The following OSBPL3 variants were observed in gnomAD, a reference collection of about 807,000 sequenced individuals.
OSBPL3 encodes the protein oxysterol binding protein like 3, also known as oxysterol-binding protein-related protein 3.
In OSBPL3, 65 loss-of-function variants were observed where a neutral mutation model predicts 120.1. That is an observed-to-expected ratio of 0.54 (90% CI 0.44 to 0.67). OSBPL3 has a LOEUF of 0.67. Ranked by LOEUF, OSBPL3 falls within the 30% of genes least tolerant of loss-of-function variation. OSBPL3 has a pLI of 0.00. For missense variants in OSBPL3, 1,004 were observed against 1,082.1 expected (o/e 0.93, Z 1.01); for synonymous variants, 416 against 402.6 (o/e 1.03, Z -0.40).
At chr7:24,924,666 C>T (rs996708987) in intron 1 of OSBPL3, among the ~76,000 whole-genome samples, 2 of 152,202 alleles carry the variant, frequency 1.3e-5, no homozygotes, top group Non-Finnish European at 2.9e-5. Context: ...CCCATACTTT[C>T]TGAGACAGCC....
intron 1 of OSBPL3, among the ~76,000 whole-genome samples, chr7:24,924,588 T>G (rs1219259146): frequency 6.6e-6 from 1 of 152,206 alleles, no homozygotes; most frequent in African/African-American, 2.4e-5. Context: ...AAACATTTCC[T>G]CAATGCCTGC....
chr7:24,812,774 G>T (rs1382503625), intron 19 of OSBPL3, among the ~76,000 whole-genome samples: 1 of 152,184 alleles, frequency 6.6e-6, no homozygotes, highest in African/African-American at 2.4e-5. Context: ...GTGGGGCACG[G>T]AAGTGTCTCA....
Position 24,810,455 on chromosome 7 carries a change from G to A in OSBPL3, c.2173-504C>T, listed in dbSNP as rs564701242. 7.2e-3 allele frequency: 1,107 copies of A among 152,842 alleles called. 4 individuals carry two copies. The highest frequency in any genetic ancestry group is 0.023 in the Middle Eastern group (7 of 300). The allele number at this position is 152,842 out of a possible 1,614,324, so 9.5% of individuals were successfully genotyped here. ...GGAGAATCGCTTGAACCCGGGAGGC[G>A]GAGGATGTGGTAAGCCAAGGTCGCG... On this transcript the variant is annotated intron_variant, in intron 19 of 22. Transcript: ENST00000313367.
At position 24,967,064 on chromosome 7, in the gene OSBPL3, A is replaced by G. The variant is rs575811024; in HGVS notation, c.-150+12822T>C. ...GAGCCATCACAATGCCTGTTTGCAG[A>G]CACTCTAAATCTGTATTCACAGGTC... On this transcript the variant is annotated intron_variant, in intron 1 of 22. Transcript: ENST00000313367. The surrounding 1 kb of genome is among the most constrained non-coding windows in gnomAD (Gnocchi z 5.6). Among the ~76,000 whole-genome samples, 3 of 152,196 alleles carry G rather than the reference A, an allele frequency of 2.0e-5. No homozygotes were observed. Among genetic ancestry groups the G allele is most frequent in the Non-Finnish European group, 4.4e-5 (3 of 68,032 alleles).
In OSBPL3 at chr7:24,937,075, GA is replaced by G. The variant is rs1412826706; in HGVS notation, c.-150+42810del. On this transcript the variant is annotated intron_variant, in intron 1 of 22. Transcript: ENST00000313367. This position sits in a 1 kb window ranked among gnomAD's most constrained non-coding sequence, Gnocchi z 4.0. ...TGACTCACAGTTCAGCATGGCTGGG[GA>G]AGCCTCAGGAAACTTACAATCATGG... is the stretch of plus-strand genomic sequence containing the variant. Among the ~76,000 whole-genome samples, 1 of 152,168 alleles carries G rather than the reference GA, an allele frequency of 6.6e-6. No individual in the cohort carries two copies. Among genetic ancestry groups the G allele is most frequent in the Non-Finnish European group, 1.5e-5 (1 of 68,028 alleles).
intron 1 of OSBPL3, among the ~76,000 whole-genome samples, chr7:24,942,815 C>T (rs1043966935): frequency 6.6e-6 from 1 of 152,116 alleles, no homozygotes; most frequent in East Asian, 1.9e-4. Context: ...AGTGGGATAA[C>T]GATCATGAAT....
chr7:24,931,650 G>C (rs1182901145), intron 1 of OSBPL3, among the ~76,000 whole-genome samples: 1 of 150,778 alleles, frequency 6.6e-6, no homozygotes, highest in African/African-American at 2.4e-5. Context: ...AGAACTGAAA[G>C]AAAATAAAAT....
chr7:24,875,790 A>G (rs995935003), intron 2 of OSBPL3, among the ~76,000 whole-genome samples: 1 of 151,044 alleles, frequency 6.6e-6, no homozygotes, highest in Non-Finnish European at 1.5e-5. Context: ...TTTTATATAT[A>G]TACAAATTTA....
chr7:24,822,256 C>T lies in OSBPL3; in HGVS notation c.1885-2018G>A, dbSNP rs1314401083. ...TCTTCTCCTTTTCTTCACTAGCTGT[C>T]TTTCGATGAAAACAACGGAGCTAGC... On this transcript the variant is annotated intron_variant, in intron 16 of 22. Transcript: ENST00000313367. The surrounding 1 kb of genome is among the most constrained non-coding windows in gnomAD (Gnocchi z 5.8). Among the ~76,000 whole-genome samples the T allele has an allele frequency of 6.6e-6, 1 of 152,190 alleles. No homozygotes were observed. Among genetic ancestry groups the T allele is most frequent in the Non-Finnish European group, 1.5e-5 (1 of 68,030 alleles).
At chr7:24,884,638 AT>A (rs1758535583) in intron 2 of OSBPL3, among the ~76,000 whole-genome samples, 1 of 152,168 alleles carries the variant, frequency 6.6e-6, no homozygotes, top group African/African-American at 2.4e-5. Context: ...CAAAAGGCGA[AT>A]GTTTATTTGT....
In OSBPL3 at chr7:24,881,525, C is replaced by A. The variant is rs903464894; in HGVS notation, c.97-9456G>T. ...ATTACAAATGTTAATAAAAGGGATACCACAAGGTTGAAAATTTGTAAATTG... is the reference window on the plus strand; with the variant it reads ...ATTACAAATGTTAATAAAAGGGATAACACAAGGTTGAAAATTTGTAAATTG... On this transcript the variant is annotated intron_variant, in intron 2 of 22. Coordinates refer to ENST00000313367, the MANE Select transcript of OSBPL3 (RefSeq NM_015550.4). The surrounding 1 kb of genome is among the most constrained non-coding windows in gnomAD (Gnocchi z 4.3). 1.3e-5 allele frequency among the ~76,000 whole-genome samples: 2 copies of A among 152,066 alleles called. No individual in the cohort carries two copies. The highest frequency in any genetic ancestry group is 4.8e-5 in the African/African-American group (2 of 41,380).
At chr7:24,889,341 G>A (rs1343201831) in intron 2 of OSBPL3, among the ~76,000 whole-genome samples, 2 of 152,178 alleles carry the variant, frequency 1.3e-5, no homozygotes, top group Non-Finnish European at 2.9e-5. Flanking sequence ...AGTTAGCAGG[G>A]TCTGATAAGT....
At chr7:24,807,071 AT>A (rs2128106304) in intron 20 of OSBPL3, among the ~76,000 whole-genome samples, 169 bp from the exon 21 acceptor site, 1 of 152,158 alleles carries the variant, frequency 6.6e-6, no homozygotes, top group South Asian at 2.1e-4. Flanking sequence ...TTCTCTATAA[AT>A]TTTCTTCTCT....
intron 14 of OSBPL3, among the ~76,000 whole-genome samples, chr7:24,836,856 ACAGAGTCTTGGTCTGTTGCCC>A (rs1797062013): frequency 9.9e-5 from 15 of 152,120 alleles, no homozygotes; most frequent in African/African-American, 3.6e-4. Flanking sequence ...TTTTTTTGAG[ACAGAGTCTTGGTCTGTTGCCC>A]AGGCTGGAGT....
chr7:24,908,479 C>T (rs1167079951), intron 1 of OSBPL3, among the ~76,000 whole-genome samples: 1 of 152,178 alleles, frequency 6.6e-6, no homozygotes, highest in East Asian at 1.9e-4. Flanking sequence ...TACAATCTTT[C>T]TTCCCTACCA....
At position 24,913,691 on chromosome 7, in the gene OSBPL3, T is replaced by C. The variant is rs1809154912; in HGVS notation, c.-149-21070A>G. 6.6e-6 allele frequency among the ~76,000 whole-genome samples: 1 copy of C among 152,278 alleles called. No individual in the cohort carries two copies. Among genetic ancestry groups the C allele is most frequent in the East Asian group, 1.9e-4 (1 of 5,178 alleles). On this transcript the variant is annotated intron_variant, in intron 1 of 22. Coordinates refer to ENST00000313367, the MANE Select transcript of OSBPL3 (RefSeq NM_015550.4). This position sits in a 1 kb window ranked among gnomAD's most constrained non-coding sequence, Gnocchi z 5.3. ...CCCAGACCTCAAAATTTCTCCCTTA[T>C]CATTTGGCATTTATCTTCATAATAG...
Position 24,863,699 on chromosome 7 carries a change from G to T in OSBPL3, c.674-100C>A. ...TACTTTTCCTTATTTATCTGTAGTT[G>T]ATTTTTTTTTTCATCTGTAAGGGTT... On this transcript the variant is annotated intron_variant, in intron 7 of 22. Transcript: ENST00000313367. This position sits in a 1 kb window ranked among gnomAD's most constrained non-coding sequence, Gnocchi z 5.8. 3.9e-6 allele frequency: 3 copies of T among 771,172 alleles called. No homozygotes were observed. The South Asian group carries it at 5.0e-5, about 13-fold the overall frequency. 47.8% of individuals were successfully genotyped at this position (771,172 alleles called of 1,614,324 possible).
At position 24,922,359 on chromosome 7, in the gene OSBPL3, G is replaced by A. The variant is rs1810496365; in HGVS notation, c.-149-29738C>T. Among the ~76,000 whole-genome samples the A allele has an allele frequency of 6.6e-6, 1 of 152,130 alleles. No individual in the cohort carries two copies. Among genetic ancestry groups the A allele is most frequent in the African/African-American group, 2.4e-5 (1 of 41,420 alleles). On this transcript the variant is annotated intron_variant, in intron 1 of 22. Coordinates refer to ENST00000313367, the MANE Select transcript of OSBPL3 (RefSeq NM_015550.4). This position sits in a 1 kb window ranked among gnomAD's most constrained non-coding sequence, Gnocchi z 4.3. ...CAGCAATGTGACCTTGAGCAAATCT[G>A]CTTCCTTGTGCCTTGATATTCTCAA... is the stretch of plus-strand genomic sequence containing the variant.
chr7:24,865,490 A>G (rs775919703), intron 6 of OSBPL3, 25 bp from the exon 7 acceptor site: 4 of 1,610,790 alleles, frequency 2.5e-6, no homozygotes, highest in South Asian at 1.1e-5. Context: ...ACAAAAGCAC[A>G]TTGTAAATGG....
Sources: gnomAD v4.1 joint callset for allele counts (sites outside exome capture counted in the v4.1 genomes callset) on GRCh38, gnomAD v4.1.1 for gene constraint, Gnocchi (gnomAD v3.1) non-coding constraint, MANE v1.5 for transcripts, NCBI Gene and HGNC (gene_info 2026-07-23, HGNC 2026-07-21) for gene names.